The following KRT79 variants were observed in gnomAD, a reference collection of about 807,000 sequenced individuals.
KRT79 encodes keratin 79.
A neutral mutation model predicts 49.0 loss-of-function variants in KRT79; 51 were observed. The observed-to-expected ratio is 1.04, with a 90% CI of 0.83 to 1.31. The LOEUF is 1.31. KRT79 is among the 40% of genes most tolerant of loss of function. The probability of loss-of-function intolerance (pLI) is 0.00; values close to 1 mark genes in which losing one functional copy is unlikely to be tolerated. For synonymous variants in KRT79, 312 were observed against 286.6 expected, an observed-to-expected ratio of 1.09 and a Z score of -0.90; for missense variants, 728 against 688.0, an observed-to-expected ratio of 1.06 and a Z score of -0.65.
At chr12:52,830,760 G>A (rs896085041) in intron 2 of KRT79, among the ~76,000 whole-genome samples, 1 of 152,094 alleles carries the variant, frequency 6.6e-6, no homozygotes, top group Non-Finnish European at 1.5e-5. Flanking sequence ...TTATAAATAC[G>A]CATATCAACC....
chr12:52,832,031 G>T (rs1940263555), intron 1 of KRT79, among the ~76,000 whole-genome samples: 1 of 152,200 alleles, frequency 6.6e-6, no homozygotes, highest in South Asian at 2.1e-4. Context: ...CACTTTGGGA[G>T]CCTGAAGCTG....
Position 52,831,416 on chromosome 12 carries a change from A to G in KRT79, c.688T>C (p.Phe230Leu). The G allele has an allele frequency of 6.2e-7, 1 of 1,614,128 alleles. No homozygotes were observed. Among genetic ancestry groups the G allele is most frequent in the East Asian group, 2.2e-5 (1 of 44,880 alleles). Residue 230 changes from phenylalanine (F) to leucine (L), a missense_variant, in exon 2 of 9, where the codon TTC becomes CTC. Transcript: ENST00000330553. ...GCCTGCTCTCCTCACTTGTTCTTGAAGTCCTCCACAAGGTCCTGCACGTTC... is the reference window on the plus strand; with the variant it reads ...GCCTGCTCTCCTCACTTGTTCTTGAGGTCCTCCACAAGGTCCTGCACGTTC... ...LRNVQDLVEDFKNKYEDEINK... is the reference protein window; with the variant it reads ...LRNVQDLVEDLKNKYEDEINK...
At chr12:52,826,807 G>A (rs1023452060) in intron 4 of KRT79, among the ~76,000 whole-genome samples, 13 of 152,144 alleles carry the variant, frequency 8.5e-5, no homozygotes, top group Admixed American at 1.3e-4. Context: ...CCAGATTGCC[G>A]TGGGATCTGG....
chr12:52,831,667 G>A (rs1242278544), intron 1 of KRT79, 41 bp from the exon 2 acceptor site: 2 of 1,534,158 alleles, frequency 1.3e-6, no homozygotes, highest in Non-Finnish European at 1.8e-6. Flanking sequence ...TCACCCTCCG[G>A]TCACCAGAGG....
intron 6 of KRT79, 89 bp downstream of exon 6, chr12:52,823,798 G>A (rs1007523282): frequency 7.0e-7 from 1 of 1,426,532 alleles, no homozygotes; most frequent in South Asian, 1.3e-5. Context: ...TGTCCGTCAG[G>A]AGAAGAGCAG....
intron 4 of KRT79, among the ~76,000 whole-genome samples, chr12:52,827,161 C>G (rs73106406): frequency 0.045 from 6,817 of 152,306 alleles, 167 homozygotes; most frequent in African/African-American, 0.06. Flanking sequence ...TCTAGCCCTT[C>G]CATCAAGATC....
At chr12:52,833,690 C>A (rs1028934031) in intron 1 of KRT79, 94 bp downstream of exon 1, 2 of 985,472 alleles carry the variant, frequency 2.0e-6, no homozygotes, top group African/African-American at 3.2e-5. Flanking sequence ...CACCCTAGTA[C>A]AAGTGGGCTA....
Position 52,821,758 on chromosome 12 carries a change from TG to T in KRT79, c.*113del. The T allele has an allele frequency of 1.1e-6, 1 of 892,380 alleles. No individual in the cohort carries two copies. The allele number at this position is 892,380 out of a possible 1,614,324, so 55.3% of individuals were successfully genotyped here. On this transcript the variant is annotated 3_prime_UTR_variant, in exon 9 of 9. Coordinates refer to ENST00000330553, the MANE Select transcript of KRT79 (RefSeq NM_175834.3). Reference sequence around the variant, plus strand: ...CAAATAGTCTGGTATGAAAATACCCTGGGTCTGAGGTCCCCTGGCTGTTCCT... The same window carrying T: ...CAAATAGTCTGGTATGAAAATACCCTGGTCTGAGGTCCCCTGGCTGTTCCT...
At position 52,834,077 on chromosome 12, in the gene KRT79, G is replaced by C. The variant is rs1366794764; in HGVS notation, c.184C>G (p.Leu62Val). 3 of 1,613,324 alleles carry C rather than the reference G, an allele frequency of 1.9e-6. No homozygotes were observed. Among genetic ancestry groups the C allele is most frequent in the Non-Finnish European group, 2.5e-6 (3 of 1,179,890 alleles). ...PGTGGFGSRS[L>V]YNLGGHKSIS... ...CTCTTGTGGCCCCCCAAGTTATAGA[G>C]GCTTCGGCTGCCAAAGCCACCTGTG... The change falls in exon 1 of 9, where the codon CTC (leucine) becomes GTC (valine). Residue 62 changes from leucine to valine, a missense_variant. By Grantham distance (32) the Leu-to-Val change is conservative (BLOSUM62 1). Coordinates refer to ENST00000330553, the MANE Select transcript of KRT79 (RefSeq NM_175834.3).
At chr12:52,822,699 T>C (rs922769752) in intron 7 of KRT79, among the ~76,000 whole-genome samples, 1 of 152,176 alleles carries the variant, frequency 6.6e-6, no homozygotes, top group Non-Finnish European at 1.5e-5. Context: ...CTGCCCACTT[T>C]CTATTTCATG....
rs1239191087 is a variant in KRT79 at position 52,821,483 on chromosome 12, G to A, written c.*389C>T. The A allele has an allele frequency of 1.3e-5, 3 of 233,762 alleles. No individual in the cohort carries two copies. In the East Asian group the frequency reaches 3.5e-4, roughly 27 times the overall value. The allele number at this position is 233,762 out of a possible 1,614,324, so 14.5% of individuals were successfully genotyped here. A position where few individuals can be genotyped will look rare whatever the true frequency, so the allele number is the denominator to read the frequency against. On this transcript the variant is annotated 3_prime_UTR_variant, in exon 9 of 9. Coordinates refer to ENST00000330553, the MANE Select transcript of KRT79 (RefSeq NM_175834.3). ...CATTTATTGAGACACAGACAGGGAAGGGGGATGTGGGTAGATTCAGGGAGA... is the reference window on the plus strand; with the variant it reads ...CATTTATTGAGACACAGACAGGGAAAGGGGATGTGGGTAGATTCAGGGAGA...
chr12:52,826,512 CAAAA>C (rs34000434), intron 4 of KRT79, among the ~76,000 whole-genome samples: 4 of 102,512 alleles, frequency 3.9e-5, no homozygotes, highest in South Asian at 3.2e-4. Context: ...GACCCTGTCT[CAAAA>C]AAAAAAAAAA....
intron 2 of KRT79, 110 bp downstream of exon 2, chr12:52,831,296 G>A: frequency 1.0e-6 from 1 of 971,556 alleles, no homozygotes; most frequent in Non-Finnish European, 1.6e-6. Context: ...AGCTCTGTCT[G>A]TGCATCCCCC....
At chr12:52,827,207 G>T (rs1195765045) in intron 4 of KRT79, among the ~76,000 whole-genome samples, 1 of 139,172 alleles carries the variant, frequency 7.2e-6, no homozygotes, top group Non-Finnish European at 1.5e-5. Flanking sequence ...GGCTTCCGCA[G>T]CCCTCCCAGG....
At chr12:52,826,071 C>G (rs1232234510) in intron 4 of KRT79, among the ~76,000 whole-genome samples, 1 of 152,090 alleles carries the variant, frequency 6.6e-6, no homozygotes, top group Non-Finnish European at 1.5e-5. Context: ...GAACTGTCAG[C>G]ATCATCTTGA....
In KRT79 at chr12:52,833,792, T is replaced by C; in HGVS notation, c.469A>G (p.Ile157Val). The C allele has an allele frequency of 4.3e-6, 7 of 1,613,584 alleles. No individual in the cohort carries two copies. The highest frequency in any genetic ancestry group is 1.1e-5 in the South Asian group (1 of 91,030). ...KTLNNKFASF[I>V]DKVRFLEQQN... ...CTTCCTGCTTGGCCCACCTTGTCGA[T>C]GAAGGAGGCGAACTTGTTGTTGAGG... Residue 157 changes from isoleucine to valine, a missense_variant, in exon 1 of 9, where the codon ATC (isoleucine) becomes GTC (valine). Ile to Val is a conservative substitution (Grantham distance 29, BLOSUM62 3). Transcript: ENST00000330553.
In KRT79 at chr12:52,834,310, G is replaced by T. The variant is rs78524383; in HGVS notation, c.-50C>A. ...GATGAGAGGGCAGGAAGGGAGTGCC[G>T]TGAGCTGCTGGGCCACTGTGGGCTT... On this transcript the variant is annotated 5_prime_UTR_variant, in exon 1 of 9. Transcript: ENST00000330553. The T allele has an allele frequency of 6.9e-7, 1 of 1,440,156 alleles. No homozygotes were observed. Among genetic ancestry groups the T allele is most frequent in the East Asian group, 2.3e-5 (1 of 44,094 alleles). 89.2% of individuals were successfully genotyped at this position (1,440,156 alleles called of 1,614,324 possible). A position where few individuals can be genotyped will look rare whatever the true frequency, so the allele number is the denominator to read the frequency against.
At position 52,831,361 on chromosome 12, in the gene KRT79, C is replaced by T. The variant is rs1025601018; in HGVS notation, c.698+45G>A. The T allele has an allele frequency of 1.9e-6, 3 of 1,575,062 alleles. No homozygotes were observed. The African/African-American group carries it at 4.0e-5, about 21-fold the overall frequency. On this transcript the variant is annotated intron_variant, in intron 2 of 8. Transcript: ENST00000330553. ...GGCCCTCTTGGCAGGTTTCCCACTGCCCCTCCTCACTCCCACATGGCCCCG... is the reference window on the plus strand; with the variant it reads ...GGCCCTCTTGGCAGGTTTCCCACTGTCCCTCCTCACTCCCACATGGCCCCG...
At position 52,831,534 on chromosome 12, in the gene KRT79, G is replaced by A. The variant is rs1940255551; in HGVS notation, c.570C>T (p.Asn190=). The A allele has an allele frequency of 8.7e-6, 14 of 1,614,130 alleles. No homozygotes were observed. The highest frequency in any genetic ancestry group is 1.1e-5 in the South Asian group (1 of 91,092). ...GGTAGGCCTCAAAGAGGGGCTCCAG[G>A]TTGTTCCTGGTGACACCCAAGTTCT... The part of the protein sequence containing the change: ...QGQNLGVTRN[N]LEPLFEAYLG... The change falls in exon 2 of 9, where the codon AAC becomes AAT. Residue 190 remains asparagine, a synonymous_variant. Coordinates refer to ENST00000330553, the MANE Select transcript of KRT79 (RefSeq NM_175834.3).
Sources: allele counts gnomAD v4.1 joint callset (sites outside exome capture counted in the v4.1 genomes callset), GRCh38; gene constraint gnomAD v4.1.1; transcripts MANE v1.5; gene names NCBI Gene and HGNC (gene_info 2026-07-23, HGNC 2026-07-21).